MGAT4C: variants seen among roughly 807,000 people sequenced by gnomAD.
MGAT4C encodes alpha-1,3-mannosyl-glycoprotein 4-beta-N-acetylglucosaminyltransferase C.
A neutral mutation model predicts 40.1 loss-of-function variants in MGAT4C; 19 were observed. The ratio of observed to expected loss-of-function variants is 0.47; its 90% CI spans 0.33 to 0.70. MGAT4C has a LOEUF of 0.70. Ranked by LOEUF, MGAT4C falls within the 30% of genes least tolerant of loss-of-function variation. The probability of loss-of-function intolerance (pLI) is 0.02; values close to 1 mark genes in which losing one functional copy is unlikely to be tolerated. For synonymous variants in MGAT4C, 181 were observed against 187.1 expected (o/e 0.97, Z 0.27); for missense variants, 491 against 563.2 (o/e 0.87, Z 1.30).
At chr12:86,135,775 G>C (rs1329269795) in intron 1 of MGAT4C, among the ~76,000 whole-genome samples, 8 of 152,152 alleles carry the variant, frequency 5.3e-5, no homozygotes, top group Non-Finnish European at 1.0e-4. Flanking sequence ...TTGTATAGAA[G>C]TGTAACAACT....
intron 2 of MGAT4C, among the ~76,000 whole-genome samples, chr12:86,605,962 G>A (rs950204942): frequency 1.3e-5 from 2 of 152,116 alleles, no homozygotes; most frequent in Admixed American, 1.3e-4. Context: ...TCACTGTTCA[G>A]CATTGCTGGA....
chr12:85,963,766 T>A lies in MGAT4C; in HGVS notation c.*15523A>T, dbSNP rs1565790430. On this transcript the variant is annotated 3_prime_UTR_variant, in exon 5 of 5. Coordinates refer to ENST00000611864, the MANE Select transcript of MGAT4C (RefSeq NM_001351288.2). ...TGTTGTAACGTGTAAATGGGGTGGGTGATGGGAGAGAGAAAACAAAATAAT... is the reference window on the plus strand; with the variant it reads ...TGTTGTAACGTGTAAATGGGGTGGGAGATGGGAGAGAGAAAACAAAATAAT... The A allele has an allele frequency of 6.6e-6, 1 of 151,698 alleles. No individual in the cohort carries two copies. The highest frequency in any genetic ancestry group is 1.9e-4 in the East Asian group (1 of 5,182). The allele number at this position is 151,698 out of a possible 1,614,324, so 9.4% of individuals were successfully genotyped here. A position where few individuals can be genotyped will look rare whatever the true frequency, so the allele number is the denominator to read the frequency against.
intron 1 of MGAT4C, among the ~76,000 whole-genome samples, chr12:86,111,025 T>G (rs868144716): frequency 7.9e-5 from 12 of 151,776 alleles, no homozygotes; most frequent in African/African-American, 2.7e-4. Context: ...ATATAAGCAG[T>G]AGAACACTTT....
intron 1 of MGAT4C, among the ~76,000 whole-genome samples, chr12:86,217,815 C>A (rs1950729085): frequency 1.3e-5 from 2 of 151,264 alleles, no homozygotes; most frequent in South Asian, 2.1e-4. Flanking sequence ...ATTTTTAGTC[C>A]CAAAGAAGAA....
chr12:86,585,322 A>C (rs1960970244), intron 2 of MGAT4C, among the ~76,000 whole-genome samples: 1 of 151,492 alleles, frequency 6.6e-6, no homozygotes, highest in Admixed American at 6.6e-5. Context: ...AGCCTTTCAG[A>C]GTTAATGTAA....
At chr12:86,360,302 C>T (rs1955433422) in intron 3 of MGAT4C, among the ~76,000 whole-genome samples, 1 of 152,140 alleles carries the variant, frequency 6.6e-6, no homozygotes, top group Non-Finnish European at 1.5e-5. Flanking sequence ...ATGCTAAAAA[C>T]TCTCAATAAA....
intron 1 of MGAT4C, among the ~76,000 whole-genome samples, chr12:86,746,745 T>C (rs1951160039): frequency 6.6e-6 from 1 of 151,620 alleles, no homozygotes; most frequent in Admixed American, 6.6e-5. Context: ...TAGACCTGAC[T>C]AATTACAGGA....
At position 86,099,925 on chromosome 12, in the gene MGAT4C, T is replaced by C. The variant is rs183799470; in HGVS notation, c.-56-50202A>G. Among the ~76,000 whole-genome samples, 202 of 151,580 alleles carry C rather than the reference T, an allele frequency of 1.3e-3. 2 individuals are homozygous for C. Among genetic ancestry groups the C allele is most frequent in the Admixed American group, 1.8e-3 (28 of 15,172 alleles). ...TTTAGGGGAAATGTAAGTTTTTCTA[T>C]TAAACATGAATTATCATTTACCATT... On this transcript the variant is annotated intron_variant, in intron 1 of 4. Coordinates refer to ENST00000611864, the MANE Select transcript of MGAT4C (RefSeq NM_001351288.2).
intron 2 of MGAT4C, among the ~76,000 whole-genome samples, chr12:86,592,507 C>G (rs1024513208): frequency 3.3e-5 from 5 of 152,122 alleles, no homozygotes; most frequent in African/African-American, 1.2e-4. Flanking sequence ...ATTCCAAAGT[C>G]TCTGTACATC....
chr12:86,270,944 T>C (rs1457370036), intron 4 of MGAT4C, among the ~76,000 whole-genome samples: 1 of 152,148 alleles, frequency 6.6e-6, no homozygotes, highest in African/African-American at 2.4e-5. Flanking sequence ...TAAATGGTGC[T>C]GGAAAAATTG....
chr12:86,558,508 A>T (rs554126050), intron 2 of MGAT4C, among the ~76,000 whole-genome samples: 2 of 152,114 alleles, frequency 1.3e-5, no homozygotes, highest in African/African-American at 4.8e-5. Flanking sequence ...AAACAAAACT[A>T]AACTAAATGT....
intron 2 of MGAT4C, among the ~76,000 whole-genome samples, chr12:86,008,383 T>G (rs1888110546): frequency 6.6e-6 from 1 of 152,012 alleles, no homozygotes; most frequent in Non-Finnish European, 1.5e-5. Flanking sequence ...CCTGTAAAAT[T>G]TATTATTAAT....
At chr12:86,422,858 T>A (rs922396591) in intron 3 of MGAT4C, among the ~76,000 whole-genome samples, 1 of 152,172 alleles carries the variant, frequency 6.6e-6, no homozygotes, top group Non-Finnish European at 1.5e-5. Flanking sequence ...CTGCACTGCA[T>A]CCCTCCAGCA....
At chr12:86,185,006 T>C (rs1888589488) in intron 1 of MGAT4C, among the ~76,000 whole-genome samples, 1 of 152,206 alleles carries the variant, frequency 6.6e-6, no homozygotes, top group Admixed American at 6.5e-5. Flanking sequence ...TTTCGTTTCC[T>C]GTTTCTGTCT....
rs1481535215 is a variant in MGAT4C at position 85,957,502 on chromosome 12, T to G, written c.*21787A>C. On this transcript the variant is annotated 3_prime_UTR_variant, in exon 5 of 5. Coordinates refer to ENST00000611864, the MANE Select transcript of MGAT4C (RefSeq NM_001351288.2). ...GAGGTTGAGCAACAGACTTTGAGAG[T>G]TATTATTAAGCATGCTACATATATC... 6.6e-6 allele frequency: 1 copy of G among 151,974 alleles called. No individual in the cohort carries two copies. Among genetic ancestry groups the G allele is most frequent in the African/African-American group, 2.4e-5 (1 of 41,402 alleles). The allele number at this position is 151,974 out of a possible 1,614,324, so 9.4% of individuals were successfully genotyped here.
Position 85,957,523 on chromosome 12 carries a change from A to G in MGAT4C, c.*21766T>C, listed in dbSNP as rs1477564746. The G allele has an allele frequency of 2.0e-5, 3 of 152,192 alleles. No individual in the cohort carries two copies. Among genetic ancestry groups the G allele is most frequent in the East Asian group, 1.9e-4 (1 of 5,160 alleles). 9.4% of individuals were successfully genotyped at this position (152,192 alleles called of 1,614,324 possible). A position where few individuals can be genotyped will look rare whatever the true frequency, so the allele number is the denominator to read the frequency against. ...AGAGTTATTATTAAGCATGCTACAT[A>G]TATCTGTTAGCTGTGAAGGAAGACA... On this transcript the variant is annotated 3_prime_UTR_variant, in exon 5 of 5. Transcript: ENST00000611864.
intron 1 of MGAT4C, among the ~76,000 whole-genome samples, chr12:86,823,950 T>C (rs757364827): frequency 9.9e-5 from 15 of 151,438 alleles, no homozygotes; most frequent in Non-Finnish European, 1.6e-4. Context: ...GGTTTTCAGT[T>C]GCAACCACGG....
At chr12:86,513,843 A>G (rs1398872434) in intron 2 of MGAT4C, among the ~76,000 whole-genome samples, 1 of 152,116 alleles carries the variant, frequency 6.6e-6, no homozygotes, top group Non-Finnish European at 1.5e-5. Context: ...ACTTGCCTTT[A>G]TCCCCTCTCT....
chr12:86,829,032 A>C (rs1208809205), intron 1 of MGAT4C, among the ~76,000 whole-genome samples: 1 of 151,646 alleles, frequency 6.6e-6, no homozygotes, highest in Non-Finnish European at 1.5e-5. Context: ...AGGAAGGTGC[A>C]TTATATACAC....
Sources: allele counts gnomAD v4.1 joint callset (sites outside exome capture counted in the v4.1 genomes callset), GRCh38; gene constraint gnomAD v4.1.1; transcripts MANE v1.5; gene names NCBI Gene and HGNC (gene_info 2026-07-23, HGNC 2026-07-21).